MRAP: variants seen among roughly 807,000 people sequenced by gnomAD.
MRAP encodes the protein melanocortin-2 receptor accessory protein.
A neutral mutation model predicts 8.7 loss-of-function variants in MRAP; 8 were observed. That is an observed-to-expected ratio of 0.92 (90% confidence interval 0.54 to 1.66). The LOEUF is 1.66. Ranked by LOEUF, MRAP falls within the 40% of genes most tolerant of loss-of-function variation. The probability of loss-of-function intolerance (pLI) is 0.00; values close to 1 mark genes in which losing one functional copy is unlikely to be tolerated. For missense variants in MRAP, 237 were observed against 217.1 expected (o/e 1.09, Z -0.58); for synonymous variants, 95 against 95.5 (o/e 1.00, Z 0.03).
chr21:32,298,634 G>A (rs1275876756), upstream of MRAP, among the ~76,000 whole-genome samples: 3 of 152,174 alleles, frequency 2.0e-5, no homozygotes, highest in East Asian at 3.9e-4. Context: ...GGCCCTGGGC[G>A]ACTATTTCCC....
chr21:32,294,320 T>C (rs8127916), upstream of MRAP, among the ~76,000 whole-genome samples: 42,380 of 151,934 alleles, frequency 0.28, 6,186 homozygotes, highest in East Asian at 0.49. Context: ...TTTCGCCATT[T>C]TAGCCAGGAT....
chr21:32,298,699 G>A (rs1238540773), upstream of MRAP, among the ~76,000 whole-genome samples: 2 of 152,202 alleles, frequency 1.3e-5, no homozygotes, highest in African/African-American at 2.4e-5. Context: ...CTGGAAAGCC[G>A]TTCTCCTGCC....
chr21:32,301,048 G>GAT (rs1225602522), intron 1 of MRAP, among the ~76,000 whole-genome samples: 1 of 150,960 alleles, frequency 6.6e-6, no homozygotes, highest in Non-Finnish European at 1.5e-5. Context: ...TATATCATAT[G>GAT]ATATATATCA....
intron 1 of MRAP, among the ~76,000 whole-genome samples, chr21:32,304,984 T>G (rs1380635005): frequency 2.1e-5 from 3 of 144,950 alleles, no homozygotes; most frequent in East Asian, 2.0e-4. Flanking sequence ...TTTTTTTTTT[T>G]TTTTTTGAGA....
At chr21:32,301,805 G>A (rs1244140089) in intron 1 of MRAP, among the ~76,000 whole-genome samples, 1 of 152,156 alleles carries the variant, frequency 6.6e-6, no homozygotes. Flanking sequence ...CTGCTGTCAT[G>A]GTGGTTCAAT....
chr21:32,298,979 A>C lies in MRAP; in HGVS notation c.8A>C (p.Asn3Thr). The change falls in exon 1 of 3, where the codon AAC (asparagine) becomes ACC (threonine). Residue 3 changes from asparagine (N) to threonine (T), a missense_variant. By Grantham distance (65) the Asn-to-Thr change is moderately conservative. Coordinates refer to ENST00000303645, the MANE Select transcript of MRAP (RefSeq NM_001379228.1). The part of the protein sequence containing the change: MA[N>T]GTNASAPYYS... ...CTGCCCAGTGCCACAGACATGGCCA[A>C]CGGGACCAACGCCTCTGCCCCATAC... 6.2e-7 allele frequency: 1 copy of C among 1,613,876 alleles called. No homozygotes were observed. The highest frequency in any genetic ancestry group is 1.1e-5 in the South Asian group (1 of 91,080).
upstream of MRAP, among the ~76,000 whole-genome samples, chr21:32,297,780 T>G (rs1233865494): frequency 6.6e-6 from 1 of 152,180 alleles, no homozygotes; most frequent in Non-Finnish European, 1.5e-5. Flanking sequence ...ATTTTACTTT[T>G]CAAGTAGATA....
chr21:32,306,458 C>A (rs935939710), intron 1 of MRAP, 182 bp from the exon 2 acceptor site: 14 of 668,108 alleles, frequency 2.1e-5, no homozygotes, highest in Non-Finnish European at 3.8e-5. Flanking sequence ...CTTCTTGGCT[C>A]CCCTGTTCTT....
intron 2 of MRAP, among the ~76,000 whole-genome samples, chr21:32,308,088 T>A (rs2032462390): frequency 6.6e-6 from 1 of 152,150 alleles, no homozygotes; most frequent in Admixed American, 6.5e-5. Flanking sequence ...GAACCTTACC[T>A]TTGGCCAGGT....
intron 1 of MRAP, among the ~76,000 whole-genome samples, chr21:32,304,475 T>A (rs191736797): frequency 2.9e-4 from 44 of 152,024 alleles, no homozygotes; most frequent in Non-Finnish European, 5.4e-4. Context: ...ATTAGCTGGA[T>A]GTGGTGGTGG....
chr21:32,313,548 T>C (rs2032627970), downstream of MRAP: 1 of 152,246 alleles, frequency 6.6e-6, no homozygotes, highest in African/African-American at 2.4e-5. Flanking sequence ...AAGACAATTA[T>C]TTGTGGTGAA....
At chr21:32,314,784 A>C, downstream of MRAP, 1 of 1,451,964 alleles carries the variant, frequency 6.9e-7, no homozygotes, top group East Asian at 2.5e-5. Context: ...TTCTTGTCAA[A>C]GAACTGAGCC....
At chr21:32,300,707 G>A (rs73901385) in intron 1 of MRAP, among the ~76,000 whole-genome samples, 13 of 141,712 alleles carry the variant, frequency 9.2e-5, no homozygotes, top group East Asian at 2.2e-4. Flanking sequence ...GGGGCGTCAT[G>A]CGTCCTATGT....
At chr21:32,314,764 C>A, downstream of MRAP, 2 of 1,431,250 alleles carry the variant, frequency 1.4e-6, no homozygotes, top group Non-Finnish European at 1.9e-6. Context: ...CAATAAAGTC[C>A]TCTCAACTTT....
Position 32,299,009 on chromosome 21 carries a change from G to A in MRAP, c.38G>A (p.Ser13Asn), listed in dbSNP as rs367739120. The A allele has an allele frequency of 2.2e-5, 36 of 1,614,108 alleles. No homozygotes were observed. Among genetic ancestry groups the A allele is most frequent in the Middle Eastern group, 1.6e-4 (1 of 6,082 alleles). Residue 13 changes from serine (S) to asparagine (N), a missense_variant, in exon 1 of 3, where the codon AGC becomes AAC. Coordinates refer to ENST00000303645, the MANE Select transcript of MRAP (RefSeq NM_001379228.1). ...ACCAACGCCTCTGCCCCATACTACA[G>A]CTATGAATACTACCTGGACTATCTG... Reference protein sequence around the residue: ...NGTNASAPYYSYEYYLDYLDL... With the variant: ...NGTNASAPYYNYEYYLDYLDL...
In MRAP at chr21:32,308,223, A is replaced by T. The variant is rs577588793; in HGVS notation, c.206+1484A>T. 6.4e-3 allele frequency among the ~76,000 whole-genome samples: 977 copies of T among 152,056 alleles called. 9 individuals are homozygous for T. Among genetic ancestry groups the T allele is most frequent in the South Asian group, 0.011 (52 of 4,812 alleles). ...CCCCATCTCTACTGAAAATATTTTT[A>T]AAAAATCAGCCAGGTGTGGTGGTGT... On this transcript the variant is annotated intron_variant, in intron 2 of 2. Coordinates refer to ENST00000303645, the MANE Select transcript of MRAP (RefSeq NM_001379228.1).
chr21:32,309,360 G>A lies in MRAP; in HGVS notation c.207-2324G>A, dbSNP rs572064033. ...CGCCCCTGCCTGCCCTGCCCGTGGT[G>A]TCTCACCCACCAGGGCTACACTCGC... On this transcript the variant is annotated intron_variant, in intron 2 of 2. Transcript: ENST00000303645. Among the ~76,000 whole-genome samples the A allele has an allele frequency of 1.4e-3, 206 of 152,126 alleles. 1 individual carries two copies. The highest frequency in any genetic ancestry group is 4.7e-3 in the African/African-American group (197 of 41,512).
chr21:32,308,873 G>GGA (rs1157350854), intron 2 of MRAP: 2 of 152,494 alleles, frequency 1.3e-5, no homozygotes, highest in African/African-American at 4.8e-5. Flanking sequence ...GAAGTCTTGG[G>GGA]GACTGGAAAC....
Position 32,306,668 on chromosome 21 carries a change from C to T in MRAP, c.135C>T (p.Ser45=), listed in dbSNP as rs766209755. The T allele has an allele frequency of 6.2e-7, 1 of 1,613,998 alleles. No individual in the cohort carries two copies. The highest frequency in any genetic ancestry group is 1.7e-5 in the Admixed American group (1 of 59,992). Residue 45 remains serine, a synonymous_variant, in exon 2 of 3, where the codon AGC becomes AGT. Transcript: ENST00000303645. ...KHSIVIAFWV[S]LAAFVVLLFL... is the part of the protein sequence containing the mutation. The stretch of plus-strand genomic sequence containing the variant: ...CCATCGTGATCGCATTCTGGGTGAG[C>T]CTGGCTGCCTTCGTGGTGCTGCTCT...
Sources: gnomAD v4.1 joint callset for allele counts (sites outside exome capture counted in the v4.1 genomes callset) on GRCh38, gnomAD v4.1.1 for gene constraint, MANE v1.5 for transcripts, NCBI Gene and HGNC (gene_info 2026-07-23, HGNC 2026-07-21) for gene names.